Variants in CENPP observed in about 807,000 individuals in gnomAD.
CENPP encodes centromere protein P.
A neutral mutation model predicts 35.6 loss-of-function variants in CENPP; 24 were observed. The ratio of observed to expected loss-of-function variants is 0.67; its 90% CI spans 0.49 to 0.95. CENPP has a LOEUF of 0.95. CENPP is among the 40% of genes least tolerant of loss of function. The pLI is 0.00. For missense variants in CENPP, 332 were observed against 345.3 expected (o/e 0.96, Z 0.31); for synonymous variants, 120 against 125.5 (o/e 0.96, Z 0.29).
At chr9:92,505,639 G>A (rs779871730) in intron 5 of CENPP, 1 of 1,608,088 alleles carries the variant, frequency 6.2e-7, no homozygotes, top group South Asian at 1.1e-5. Context: ...ATTGACATTG[G>A]CTTCACTGAG....
intron 5 of CENPP, among the ~76,000 whole-genome samples, chr9:92,458,917 A>C (rs1844986190): frequency 3.3e-5 from 5 of 152,198 alleles, no homozygotes. Flanking sequence ...GATACACCGG[A>C]AAGAAAAAGA....
chr9:92,577,318 A>T (rs1475524553), intron 5 of CENPP, among the ~76,000 whole-genome samples: 1 of 152,148 alleles, frequency 6.6e-6, no homozygotes, highest in Non-Finnish European at 1.5e-5. Flanking sequence ...GTTCAAGACC[A>T]GCCTGGCCAA....
chr9:92,352,505 G>GTGTGTGTATATA, intron 4 of CENPP, among the ~76,000 whole-genome samples: 2 of 49,790 alleles, frequency 4.0e-5, no homozygotes, highest in African/African-American at 1.8e-4. Context: ...GTGTGTGTGT[G>GTGTGTGTATATA]TATACATATA....
In CENPP at chr9:92,618,775, G is replaced by A. The variant is rs570319503; in HGVS notation, c.*5626G>A. 2 of 354,284 alleles carry A rather than the reference G, an allele frequency of 5.6e-6. No individual in the cohort carries two copies. The highest frequency in any genetic ancestry group is 2.1e-5 in the South Asian group (1 of 46,550). 21.9% of individuals were successfully genotyped at this position (354,284 alleles called of 1,614,324 possible). A position where few individuals can be genotyped will look rare whatever the true frequency, so the allele number is the denominator to read the frequency against. On this transcript the variant is annotated 3_prime_UTR_variant, in exon 8 of 8. Coordinates refer to ENST00000375587, the MANE Select transcript of CENPP (RefSeq NM_001012267.3). Reference sequence around the variant, plus strand: ...GAACAGGAATCCTGGGAACTGTTTAGTTCAAAAGCACCGGGAAAGTGAGTG... The same window carrying A: ...GAACAGGAATCCTGGGAACTGTTTAATTCAAAAGCACCGGGAAAGTGAGTG...
chr9:92,573,220 TC>T (rs1850191623), intron 5 of CENPP, among the ~76,000 whole-genome samples: 1 of 152,194 alleles, frequency 6.6e-6, no homozygotes, highest in South Asian at 2.1e-4. Flanking sequence ...TTTCTCCCCA[TC>T]TTTGTGGTTT....
chr9:92,552,663 G>A (rs1026507407), intron 5 of CENPP, among the ~76,000 whole-genome samples: 5 of 151,788 alleles, frequency 3.3e-5, no homozygotes, highest in Admixed American at 1.3e-4. Context: ...TTGTCTATTC[G>A]TGTCATTAGC....
At chr9:92,556,231 T>G (rs938288957) in intron 5 of CENPP, among the ~76,000 whole-genome samples, 32 of 152,228 alleles carry the variant, frequency 2.1e-4, no homozygotes, top group African/African-American at 6.8e-4. Context: ...TCCAGTTTTA[T>G]TCCACTGTGG....
At chr9:92,441,476 T>G (rs1175685951) in intron 5 of CENPP, among the ~76,000 whole-genome samples, 1 of 152,068 alleles carries the variant, frequency 6.6e-6, no homozygotes, top group Non-Finnish European at 1.5e-5. Context: ...AAAGGTATAT[T>G]GGCCAGGTGC....
chr9:92,415,848 A>T lies in CENPP; in HGVS notation c.564+35989A>T, dbSNP rs570396811. On this transcript the variant is annotated intron_variant, in intron 5 of 7. Coordinates refer to ENST00000375587, the MANE Select transcript of CENPP (RefSeq NM_001012267.3). ...GACAATTTATACATATATATAAAAAAATATATATATATAAAATTATATATT... is the reference window on the plus strand; with the variant it reads ...GACAATTTATACATATATATAAAAATATATATATATATAAAATTATATATT... 5.4e-3 allele frequency among the ~76,000 whole-genome samples: 795 copies of T among 146,256 alleles called. 6 individuals are homozygous for T. The highest frequency in any genetic ancestry group is 4.8e-3 in the African/African-American group (194 of 40,590).
chr9:92,588,965 T>C (rs1440353875), intron 5 of CENPP, among the ~76,000 whole-genome samples: 2 of 152,078 alleles, frequency 1.3e-5, no homozygotes, highest in African/African-American at 4.8e-5. Context: ...TACTACGAAA[T>C]TTAAGGGGAC....
At chr9:92,570,051 C>T (rs1289601359) in intron 5 of CENPP, among the ~76,000 whole-genome samples, 1 of 151,988 alleles carries the variant, frequency 6.6e-6, no homozygotes, top group Non-Finnish European at 1.5e-5. Context: ...TTCCTTTTTT[C>T]CTAATTGAAT....
At chr9:92,338,920 C>A (rs375389101) in intron 3 of CENPP, among the ~76,000 whole-genome samples, 41 of 152,230 alleles carry the variant, frequency 2.7e-4, no homozygotes, top group African/African-American at 8.9e-4. Context: ...AGCAGGAAAG[C>A]GAAAGCAGAC....
At chr9:92,399,766 T>G (rs1011381175) in intron 5 of CENPP, among the ~76,000 whole-genome samples, 3 of 152,230 alleles carry the variant, frequency 2.0e-5, no homozygotes, top group African/African-American at 7.2e-5. Context: ...CCATTTTTGC[T>G]TCAGTGATTT....
intron 5 of CENPP, among the ~76,000 whole-genome samples, chr9:92,540,263 C>G (rs1849285783): frequency 6.6e-6 from 1 of 151,860 alleles, no homozygotes; most frequent in Admixed American, 6.6e-5. Flanking sequence ...ATGATGAAAC[C>G]CTGTCTCTAC....
chr9:92,587,771 G>T (rs143325136), intron 5 of CENPP, among the ~76,000 whole-genome samples: 2 of 152,340 alleles, frequency 1.3e-5, no homozygotes, highest in Admixed American at 1.3e-4. Context: ...TTTGGAAATA[G>T]AGGTGGTGGT....
chr9:92,614,488 C>CT lies in CENPP; in HGVS notation c.*1344dup, dbSNP rs1851370222. On this transcript the variant is annotated 3_prime_UTR_variant, in exon 8 of 8. Transcript: ENST00000375587. ...TAAAAGTGTCCAGTTAGATAAGTAT[C>CT]TTTTTGCACCTCTGAGAGTAGAATT... The CT allele has an allele frequency of 6.6e-6, 1 of 152,604 alleles. No homozygotes were observed. The highest frequency in any genetic ancestry group is 2.4e-5 in the African/African-American group (1 of 41,454). The allele number at this position is 152,604 out of a possible 1,614,324, so 9.5% of individuals were successfully genotyped here. A position where few individuals can be genotyped will look rare whatever the true frequency, so the allele number is the denominator to read the frequency against.
intron 5 of CENPP, among the ~76,000 whole-genome samples, chr9:92,525,123 G>C (rs1427915747): frequency 6.6e-6 from 1 of 152,112 alleles, no homozygotes; most frequent in Non-Finnish European, 1.5e-5. Context: ...TTTAAGACCA[G>C]AGTAAGGAAC....
Position 92,422,120 on chromosome 9 carries a change from G to A in CENPP, c.564+42261G>A, listed in dbSNP as rs574566739. ...GGCTGGAGTGCAGTGGCACAATCTC[G>A]GCTCACTGCAACCTCCGCCTCCCAG... is the stretch of plus-strand genomic sequence containing the variant. On this transcript the variant is annotated intron_variant, in intron 5 of 7. Coordinates refer to ENST00000375587, the MANE Select transcript of CENPP (RefSeq NM_001012267.3). Among the ~76,000 whole-genome samples the A allele has an allele frequency of 1.1e-4, 17 of 151,386 alleles. No individual in the cohort carries two copies. In the East Asian group the frequency reaches 1.7e-3, roughly 16 times the overall value.
At chr9:92,544,800 C>T (rs1214837170) in intron 5 of CENPP, among the ~76,000 whole-genome samples, 1 of 150,788 alleles carries the variant, frequency 6.6e-6, no homozygotes, top group East Asian at 2.0e-4. Flanking sequence ...ACTGCAACCT[C>T]CGCCTCTCGG....
Sources: gnomAD v4.1 joint callset for allele counts (sites outside exome capture counted in the v4.1 genomes callset) on GRCh38, gnomAD v4.1.1 for gene constraint, MANE v1.5 for transcripts, NCBI Gene and HGNC (gene_info 2026-07-23, HGNC 2026-07-21) for gene names.